METTL16: variants seen among roughly 807,000 people sequenced by gnomAD.
METTL16 encodes RNA N(6)-adenosine-methyltransferase METTL16.
In METTL16, 19 loss-of-function variants were observed where a neutral mutation model predicts 57.9. That is an observed-to-expected ratio of 0.33 (90% confidence interval 0.23 to 0.48). The LOEUF (loss-of-function observed/expected upper bound fraction) is 0.48. METTL16 is among the 20% of genes least tolerant of loss of function. The pLI, the probability that METTL16 is intolerant of heterozygous loss-of-function variation, is 0.99. For missense variants in METTL16, 434 were observed against 691.5 expected (o/e 0.63, Z 4.18); for synonymous variants, 246 against 255.6 (o/e 0.96, Z 0.36).
chr17:2,478,008 C>T, intron 2 of METTL16, 123 bp from the exon 3 acceptor site: 2 of 706,562 alleles, frequency 2.8e-6, no homozygotes, highest in Non-Finnish European at 4.8e-6. Context: ...CACACAGTTA[C>T]ACAGAGCACT....
Position 2,420,096 on chromosome 17 carries a change from G to A in METTL16, c.1563C>T (p.Asn521=), listed in dbSNP as rs1219531923. 7 of 1,614,180 alleles carry A rather than the reference G, an allele frequency of 4.3e-6. No individual in the cohort carries two copies. The highest frequency in any genetic ancestry group is 5.9e-6 in the Non-Finnish European group (7 of 1,180,040). Residue 521 remains asparagine, a synonymous_variant, in exon 10 of 10, where the codon AAC becomes AAT. Coordinates refer to ENST00000263092, the MANE Select transcript of METTL16 (RefSeq NM_024086.4). This position sits in a 1 kb window ranked among gnomAD's most constrained non-coding sequence, Gnocchi z 5.4. ...AGGCATCGTCCACCTCCTTCTTAAC[G>A]TTTATCAAACACTTAAACAGGTACT... is the stretch of plus-strand genomic sequence containing the variant. ...AGQYLFKCLI[N]VKKEVDDALV...
chr17:2,495,086 A>G (rs974076034), intron 2 of METTL16, among the ~76,000 whole-genome samples: 2 of 151,686 alleles, frequency 1.3e-5, no homozygotes, highest in African/African-American at 4.8e-5. Flanking sequence ...ATGGTGGCTC[A>G]TGCCTGTAAT....
At chr17:2,426,318 A>C (rs987772215) in intron 8 of METTL16, among the ~76,000 whole-genome samples, 11 of 152,160 alleles carry the variant, frequency 7.2e-5, no homozygotes, top group African/African-American at 2.7e-4. Context: ...CAGCCTCCCA[A>C]GTAGCTGCAA....
intron 2 of METTL16, among the ~76,000 whole-genome samples, chr17:2,488,472 G>A (rs1422722730): frequency 2.6e-5 from 4 of 151,948 alleles, no homozygotes; most frequent in Admixed American, 1.3e-4. Flanking sequence ...CAGGAGAATC[G>A]CTTCAACCCG....
chr17:2,440,721 A>G (rs2066943570), intron 7 of METTL16, among the ~76,000 whole-genome samples: 1 of 152,142 alleles, frequency 6.6e-6, no homozygotes, highest in Non-Finnish European at 1.5e-5. Context: ...CTGTAATCCC[A>G]GCACTTTGGG....
At chr17:2,483,308 G>A (rs999716797) in intron 2 of METTL16, among the ~76,000 whole-genome samples, 3 of 152,176 alleles carry the variant, frequency 2.0e-5, no homozygotes, top group East Asian at 3.8e-4. Context: ...GAGCAACTAT[G>A]TAGAATGGGT....
At chr17:2,496,128 A>G (rs1597471323) in intron 2 of METTL16, among the ~76,000 whole-genome samples, 1 of 151,576 alleles carries the variant, frequency 6.6e-6, no homozygotes, top group East Asian at 1.9e-4. Flanking sequence ...ACATGCACAC[A>G]CACACACACA....
At chr17:2,496,305 CAG>C (rs2067445053) in intron 2 of METTL16, among the ~76,000 whole-genome samples, 1 of 151,406 alleles carries the variant, frequency 6.6e-6, no homozygotes, top group Non-Finnish European at 1.5e-5. Flanking sequence ...TTACGTCAAA[CAG>C]TGTTTTTTAG....
At chr17:2,478,829 G>A (rs140187814) in intron 2 of METTL16, among the ~76,000 whole-genome samples, 72 of 152,298 alleles carry the variant, frequency 4.7e-4, no homozygotes, top group African/African-American at 1.7e-3. Context: ...GGCGAATAAT[G>A]TTCCATAGTA....
chr17:2,507,504 G>C (rs1414661755), intron 1 of METTL16, among the ~76,000 whole-genome samples: 1 of 136,224 alleles, frequency 7.3e-6, no homozygotes, highest in Non-Finnish European at 1.6e-5. Flanking sequence ...GAGGGAGGTG[G>C]GGGGGTCAGC....
chr17:2,449,966 T>C (rs543171301), intron 6 of METTL16, among the ~76,000 whole-genome samples: 1 of 152,276 alleles, frequency 6.6e-6, no homozygotes, highest in East Asian at 1.9e-4. Flanking sequence ...TTAGAACAGA[T>C]ACATTTTTAA....
chr17:2,511,768 C>T lies in METTL16; in HGVS notation c.-10G>A. ...GATATAAGTGACCCACCTCTGAGGCCGAGGTTCCTGCCAGACGTCGTGTCT... is the reference window on the plus strand; with the variant it reads ...GATATAAGTGACCCACCTCTGAGGCTGAGGTTCCTGCCAGACGTCGTGTCT... On this transcript the variant is annotated 5_prime_UTR_variant, in exon 1 of 10. Coordinates refer to ENST00000263092, the MANE Select transcript of METTL16 (RefSeq NM_024086.4). 1 of 398,492 alleles carries T rather than the reference C, an allele frequency of 2.5e-6. No homozygotes were observed. The highest frequency in any genetic ancestry group is 4.4e-6 in the Non-Finnish European group (1 of 226,048). The allele number at this position is 398,492 out of a possible 1,614,324, so 24.7% of individuals were successfully genotyped here. A position where few individuals can be genotyped will look rare whatever the true frequency, so the allele number is the denominator to read the frequency against.
chr17:2,468,981 T>G (rs907161531), intron 4 of METTL16, among the ~76,000 whole-genome samples: 3 of 151,422 alleles, frequency 2.0e-5, no homozygotes, highest in African/African-American at 7.3e-5. Context: ...ATGCCTATAA[T>G]TCCAACACTT....
At chr17:2,473,469 C>T (rs1329080796) in intron 4 of METTL16, 55 bp downstream of exon 4, 15 of 1,544,750 alleles carry the variant, frequency 9.7e-6, no homozygotes, top group Non-Finnish European at 1.2e-5. Context: ...ATGCGTTAAA[C>T]TAAAAAGGCA....
intron 6 of METTL16, among the ~76,000 whole-genome samples, chr17:2,459,741 C>T (rs1016092375): frequency 2.6e-5 from 4 of 152,142 alleles, no homozygotes; most frequent in African/African-American, 9.7e-5. Flanking sequence ...GTGGCTCATG[C>T]CTTTCATCCC....
At chr17:2,482,178 G>C (rs982983222) in intron 2 of METTL16, among the ~76,000 whole-genome samples, 3 of 152,132 alleles carry the variant, frequency 2.0e-5, no homozygotes, top group Non-Finnish European at 2.9e-5. Context: ...ATAAATTAAG[G>C]AACTACAGTA....
intron 4 of METTL16, among the ~76,000 whole-genome samples, chr17:2,471,230 G>T (rs1597459936): frequency 6.6e-6 from 1 of 152,170 alleles, no homozygotes. Context: ...GGGGTGCAGC[G>T]TCGCAATCTC....
intron 6 of METTL16, among the ~76,000 whole-genome samples, chr17:2,463,034 A>C (rs750027006): frequency 6.6e-5 from 10 of 152,180 alleles, no homozygotes; most frequent in Non-Finnish European, 1.3e-4. Flanking sequence ...TATGTTGCTT[A>C]ATGACAGGTG....
chr17:2,428,673 G>C (rs1455757945), intron 8 of METTL16, among the ~76,000 whole-genome samples: 1 of 139,472 alleles, frequency 7.2e-6, no homozygotes, highest in African/African-American at 2.7e-5. Flanking sequence ...GAAGCAGGAG[G>C]ATCACTTGAG....
Sources: gnomAD v4.1 joint callset for allele counts (sites outside exome capture counted in the v4.1 genomes callset) on GRCh38, gnomAD v4.1.1 for gene constraint, Gnocchi (gnomAD v3.1) non-coding constraint, MANE v1.5 for transcripts, NCBI Gene and HGNC (gene_info 2026-07-23, HGNC 2026-07-21) for gene names.